The following DST variants were observed in gnomAD, a reference collection of about 807,000 sequenced individuals.
The protein encoded by DST is dystonin.
A neutral mutation model predicts 875.2 loss-of-function variants in DST; 253 were observed. That is an observed-to-expected ratio of 0.29 (90% CI 0.26 to 0.32). The LOEUF (loss-of-function observed/expected upper bound fraction) is 0.32. DST is among the 10% of genes least tolerant of loss of function. The probability of loss-of-function intolerance (pLI) is 1.00; values close to 1 mark genes in which losing one functional copy is unlikely to be tolerated. For missense variants in DST, 8,287 were observed against 9,111.6 expected (o/e 0.91, Z 3.68); for synonymous variants, 3,124 against 3,197.1 (o/e 0.98, Z 0.77).
At chr6:56,950,228 C>T (rs1821640333) in intron 2 of DST, among the ~76,000 whole-genome samples, 1 of 152,074 alleles carries the variant, frequency 6.6e-6, no homozygotes, top group Non-Finnish European at 1.5e-5. Context: ...GATATTTACT[C>T]AAAAATTGGT....
At position 56,851,510 on chromosome 6, in the gene DST, G is replaced by A. The variant is rs367940433; in HGVS notation, c.512C>T (p.Pro171Leu). 9.9e-6 allele frequency: 16 copies of A among 1,613,908 alleles called. No homozygotes were observed. Among genetic ancestry groups the A allele is most frequent in the South Asian group, 3.3e-5 (3 of 91,084 alleles). Residue 171 changes from proline (P) to leucine (L), a missense_variant, in exon 4 of 104, where the codon CCA becomes CTA. Physicochemically the swap from Pro to Leu is moderately conservative, Grantham distance 98 (BLOSUM62 -3). Around this residue, in one of 10 missense-constraint regions of DST, gnomAD observed 1,160 missense variants for 1,424.3 expected, o/e 0.81. Coordinates refer to ENST00000680361, the MANE Select transcript of DST (RefSeq NM_001374736.1). The stretch of plus-strand genomic sequence containing the variant: ...CCAGGGTAAGGTGTCTCCCGGAGCT[G>A]GGGATGCGGAGCCAGATTTCTGGCT... ...DFSQKSGSAS[P>L]APGDTLPWNL...
At chr6:56,531,762 G>GT in intron 64 of DST, among the ~76,000 whole-genome samples, 1 of 152,112 alleles carries the variant, frequency 6.6e-6, no homozygotes, top group Non-Finnish European at 1.5e-5. Flanking sequence ...TAATAAAATT[G>GT]TTGAGAACAA....
At chr6:56,722,864 CT>C (rs565679835) in intron 5 of DST, among the ~76,000 whole-genome samples, 306 of 152,318 alleles carry the variant, frequency 2.0e-3, no homozygotes, top group African/African-American at 6.3e-3. Context: ...TAGGTAACTT[CT>C]GTGCATGCTC....
chr6:56,768,594 G>A (rs910001174), intron 4 of DST, among the ~76,000 whole-genome samples: 11 of 151,908 alleles, frequency 7.2e-5, no homozygotes, highest in African/African-American at 2.7e-4. Flanking sequence ...AAAACTTTAG[G>A]AAGATAACAT....
At chr6:56,953,280 A>T (rs1330640554) in intron 2 of DST, among the ~76,000 whole-genome samples, 1 of 152,248 alleles carries the variant, frequency 6.6e-6, no homozygotes, top group Non-Finnish European at 1.5e-5. Context: ...CAAGCATTTA[A>T]GCACACACTA....
intron 4 of DST, among the ~76,000 whole-genome samples, chr6:56,810,987 G>A (rs1040436113): frequency 4.6e-5 from 7 of 151,752 alleles, no homozygotes; most frequent in Non-Finnish European, 1.0e-4. Context: ...TTCAAGACCA[G>A]CCTGGGCAAC....
At chr6:56,856,833 T>C (rs948278196) in intron 3 of DST, among the ~76,000 whole-genome samples, 3 of 152,168 alleles carry the variant, frequency 2.0e-5, no homozygotes, top group African/African-American at 7.2e-5. Flanking sequence ...TCCTTATCCA[T>C]AGAAGATGCA....
chr6:56,485,484 G>A lies in DST; in HGVS notation c.21048-13C>T. 2 of 1,609,444 alleles carry A rather than the reference G, an allele frequency of 1.2e-6. No homozygotes were observed. Among genetic ancestry groups the A allele is most frequent in the Non-Finnish European group, 1.7e-6 (2 of 1,177,804 alleles). On this transcript the variant is annotated splice_polypyrimidine_tract_variant and intron_variant, in intron 87 of 103. Coordinates refer to ENST00000680361, the MANE Select transcript of DST (RefSeq NM_001374736.1). ...CAATTTGTTTTGTCTAGGGAAAAAG[G>A]TAGAAAAATTGATCCTTGCAACAAA...
In DST at chr6:56,536,896, T is replaced by G. The variant is rs200345187; in HGVS notation, c.16653A>C (p.Gln5551His). 2.0e-4 allele frequency: 330 copies of G among 1,613,946 alleles called. No individual in the cohort carries two copies. In the South Asian group the frequency reaches 2.8e-3, roughly 14 times the overall value. Reference sequence around the variant, plus strand: ...GGCCTTGACCTAACCAGTTTACATCTTGCTGTTTACCTTGCAAGGGTTCAA... The same window carrying G: ...GGCCTTGACCTAACCAGTTTACATCGTGCTGTTTACCTTGCAAGGGTTCAA... ...EEIEPLQGKQQDVNWLGQGLI... is the reference protein window; with the variant it reads ...EEIEPLQGKQHDVNWLGQGLI... The change falls in exon 62 of 104, where the codon CAA (glutamine) becomes CAC (histidine). Residue 5551 changes from glutamine (Q) to histidine (H), a missense_variant. Physicochemically the swap from Gln to His is conservative, Grantham distance 24. This residue lies in a region of DST where 777 missense variants were observed against 764.8 expected (regional missense o/e 1.02). Coordinates refer to ENST00000680361, the MANE Select transcript of DST (RefSeq NM_001374736.1).
At chr6:56,846,239 T>C (rs758661888) in intron 4 of DST, among the ~76,000 whole-genome samples, 1 of 152,220 alleles carries the variant, frequency 6.6e-6, no homozygotes, top group Non-Finnish European at 1.5e-5. Flanking sequence ...TTGCATTCAC[T>C]ATTATATTTA....
Position 56,538,025 on chromosome 6 carries a change from C to A in DST, c.16609-1085G>T, listed in dbSNP as rs4513778. Among the ~76,000 whole-genome samples, 1,081 of 152,260 alleles carry A rather than the reference C, an allele frequency of 7.1e-3. 40 individuals carry two copies. The highest frequency in any genetic ancestry group is 0.06 in the Admixed American group (919 of 15,290). ...TGAGACATGGCCTCACTCTGTCACC[C>A]ATGCTGGAGGGCAGTAGTGCAGTCA... On this transcript the variant is annotated intron_variant, in intron 61 of 103. Transcript: ENST00000680361.
Position 56,527,519 on chromosome 6 carries a change from C to T in DST, c.17896G>A (p.Ala5966Thr). 6.2e-7 allele frequency: 1 copy of T among 1,613,564 alleles called. No homozygotes were observed. Among genetic ancestry groups the T allele is most frequent in the Non-Finnish European group, 8.5e-7 (1 of 1,179,720 alleles). ...YETQVLKGEE[A>T]SQAQMRPKEL... ...TTTGGTCTCATTTGTGCTTGACTTG[C>T]TTCTTCTCCTTTCAGAACCTGAGTT... The change falls in exon 68 of 104, where the codon GCA becomes ACA. Residue 5966 changes from alanine to threonine, a missense_variant. Around this residue, in one of 10 missense-constraint regions of DST, gnomAD observed 777 missense variants for 764.8 expected, o/e 1.02. Coordinates refer to ENST00000680361, the MANE Select transcript of DST (RefSeq NM_001374736.1).
At chr6:56,482,606 T>C in intron 89 of DST, 77 bp downstream of exon 89, 1 of 1,478,356 alleles carries the variant, frequency 6.8e-7, no homozygotes, top group South Asian at 1.3e-5. Context: ...GGCCTCACAA[T>C]TTTTTACTAG....
intron 61 of DST, among the ~76,000 whole-genome samples, chr6:56,547,926 T>C (rs953466563): frequency 1.3e-5 from 2 of 152,224 alleles, no homozygotes; most frequent in Non-Finnish European, 2.9e-5. Context: ...TGTAATTCTA[T>C]GTCCATTTGA....
intron 4 of DST, chr6:56,785,936 C>T (rs906175325): frequency 6.6e-6 from 1 of 152,254 alleles, no homozygotes; most frequent in African/African-American, 2.4e-5. Context: ...CAGCTTTAGG[C>T]TCTATCTATA....
chr6:56,550,117 C>T, intron 61 of DST, among the ~76,000 whole-genome samples: 2 of 152,004 alleles, frequency 1.3e-5, no homozygotes, highest in South Asian at 4.2e-4. Flanking sequence ...TTAAGGAATA[C>T]ACACACACAC....
At chr6:56,563,438 T>G (rs541929682) in intron 55 of DST, among the ~76,000 whole-genome samples, 2 of 152,240 alleles carry the variant, frequency 1.3e-5, no homozygotes, top group African/African-American at 4.8e-5. Context: ...GGGGTTGTTT[T>G]TTTTCTTGTA....
intron 5 of DST, among the ~76,000 whole-genome samples, chr6:56,729,256 G>A (rs2099486371): frequency 6.6e-6 from 1 of 152,174 alleles, no homozygotes. Context: ...CTACCAAGCA[G>A]TATTTTTCAT....
intron 3 of DST, among the ~76,000 whole-genome samples, chr6:56,882,357 T>C (rs1037023863): frequency 2.0e-5 from 3 of 152,240 alleles, no homozygotes; most frequent in Non-Finnish European, 4.4e-5. Context: ...GTTATTTTTA[T>C]TGTGTTTGGC....
Sources: allele counts gnomAD v4.1 joint callset (sites outside exome capture counted in the v4.1 genomes callset), GRCh38; gene constraint gnomAD v4.1.1; regional missense constraint gnomAD v4.1.1; transcripts MANE v1.5; gene names NCBI Gene and HGNC (gene_info 2026-07-23, HGNC 2026-07-21).